Variants in RC3H2 observed in about 807,000 individuals in gnomAD.
RC3H2 encodes the protein roquin-2.
In RC3H2, 31 loss-of-function variants were observed where a neutral mutation model predicts 133.3. The observed-to-expected ratio is 0.23, with a 90% CI of 0.17 to 0.31. The LOEUF (loss-of-function observed/expected upper bound fraction) is 0.31, where lower values mean the gene tolerates loss of function less well. Ranked by LOEUF, RC3H2 falls within the 10% of genes least tolerant of loss-of-function variation. The pLI is 1.00. For missense variants in RC3H2, 1,175 were observed against 1,437.2 expected, an observed-to-expected ratio of 0.82 and a Z score of 2.95; for synonymous variants, 517 against 502.2, an observed-to-expected ratio of 1.03 and a Z score of -0.40.
chr9:122,860,250 T>C (rs1174213622), intron 10 of RC3H2, 119 bp from the exon 11 acceptor site: 4 of 712,248 alleles, frequency 5.6e-6, no homozygotes, highest in South Asian at 1.9e-5. Context: ...CTTCAGACAT[T>C]GCCACATTGA....
chr9:122,905,315 T>G lies in RC3H2; in HGVS notation c.-273A>C, dbSNP rs1293347801. 4.7e-6 allele frequency: 4 copies of G among 855,574 alleles called. No individual in the cohort carries two copies. Among genetic ancestry groups the G allele is most frequent in the Non-Finnish European group, 5.6e-6 (4 of 711,708 alleles). The allele number at this position is 855,574 out of a possible 1,614,324, so 53.0% of individuals were successfully genotyped here. The stretch of plus-strand genomic sequence containing the variant: ...TCCTCCTCCTCCCTCCACCTCCGCC[T>G]CCTCCTCCTCCTCCTCCTCACCACG... On this transcript the variant is annotated 5_prime_UTR_variant, in exon 1 of 21. Coordinates refer to ENST00000357244, the MANE Select transcript of RC3H2 (RefSeq NM_001100588.3).
rs568935122 is a variant in RC3H2 at position 122,889,732 on chromosome 9, T to C, written c.583+580A>G. Among the ~76,000 whole-genome samples the C allele has an allele frequency of 2.0e-5, 3 of 152,392 alleles. No individual in the cohort carries two copies. The South Asian group carries it at 6.2e-4, about 32-fold the overall frequency. On this transcript the variant is annotated intron_variant, in intron 4 of 20. Coordinates refer to ENST00000357244, the MANE Select transcript of RC3H2 (RefSeq NM_001100588.3). ...ATCTTAGGCCTCTAACTTGGTTTTC[T>C]AATTTGTAAAACTGTAGCTATATTG... is the stretch of plus-strand genomic sequence containing the variant.
At chr9:122,881,580 T>TAGAGAAGAATACAGGCC (rs1407636212) in intron 5 of RC3H2, among the ~76,000 whole-genome samples, 1 of 151,914 alleles carries the variant, frequency 6.6e-6, no homozygotes, top group East Asian at 1.9e-4. Flanking sequence ...TGATACAGGC[T>TAGAGAAGAATACAGGCC]AGAGAAGAAT....
At chr9:122,887,108 T>C (rs2131476978) in intron 4 of RC3H2, among the ~76,000 whole-genome samples, 1 of 152,336 alleles carries the variant, frequency 6.6e-6, no homozygotes, top group Middle Eastern at 3.4e-3. Context: ...ACCTCTCGTC[T>C]AATGGGTTTA....
intron 13 of RC3H2, among the ~76,000 whole-genome samples, 173 bp from the exon 14 acceptor site, chr9:122,856,051 G>A (rs1418278666): frequency 6.6e-6 from 1 of 151,946 alleles, no homozygotes; most frequent in Non-Finnish European, 1.5e-5. Context: ...TTTTACAATA[G>A]AAAATGGCAT....
rs548031031 is a variant in RC3H2 at position 122,857,958 on chromosome 9, G to T, written c.2419C>A (p.Pro807Thr). 6.2e-7 allele frequency: 1 copy of T among 1,614,146 alleles called. No homozygotes were observed. The highest frequency in any genetic ancestry group is 1.3e-5 in the African/African-American group (1 of 75,066). The change falls in exon 13 of 21, where the codon CCT becomes ACT. Residue 807 changes from proline to threonine, a missense_variant. Around this residue, in one of 8 missense-constraint regions of RC3H2, gnomAD observed 490 missense variants for 492.8 expected, o/e 0.99. Transcript: ENST00000357244. ...AAGTCTACACTGAACAGAGGAGAAG[G>T]TGGTGTTGGTGACTGTGTTGCCACA... ...LPVATQSPTP[P>T]SPLFSVDFRA...
chr9:122,874,817 G>C (rs1831262941), intron 9 of RC3H2: 1 of 176,702 alleles, frequency 5.7e-6, no homozygotes, highest in African/African-American at 2.4e-5. Flanking sequence ...ACTACACCTA[G>C]TTTGGCTATT....
Position 122,855,978 on chromosome 9 carries a change from T to C in RC3H2, c.2455-100A>G, listed in dbSNP as rs187785217. 4 of 855,178 alleles carry C rather than the reference T, an allele frequency of 4.7e-6. No individual in the cohort carries two copies. The South Asian group carries it at 8.2e-5, about 17-fold the overall frequency. 53.0% of individuals were successfully genotyped at this position (855,178 alleles called of 1,614,324 possible). The stretch of plus-strand genomic sequence containing the variant: ...CTATTATAGAATTCAGAGGACTTCA[T>C]AGCAAACAATTATACTTTTTCAATA... On this transcript the variant is annotated intron_variant, in intron 13 of 20. Transcript: ENST00000357244.
chr9:122,875,484 T>G, intron 9 of RC3H2: 1 of 1,366,274 alleles, frequency 7.3e-7, no homozygotes, highest in Non-Finnish European at 9.6e-7. Context: ...GTGGCTGTTT[T>G]TTTGCTACAG....
Position 122,850,190 on chromosome 9 carries a change from G to A in RC3H2, c.3381-368C>T, listed in dbSNP as rs541096245. On this transcript the variant is annotated intron_variant, in intron 20 of 20. Coordinates refer to ENST00000357244, the MANE Select transcript of RC3H2 (RefSeq NM_001100588.3). Reference sequence around the variant, plus strand: ...GGGTTTCACCATGTTGGCCAGGCTGGTCTAGAACTCCTGACCTCAAATGAT... The same window carrying A: ...GGGTTTCACCATGTTGGCCAGGCTGATCTAGAACTCCTGACCTCAAATGAT... Among the ~76,000 whole-genome samples, 281 of 151,994 alleles carry A rather than the reference G, an allele frequency of 1.8e-3. 1 individual carries two copies. The highest frequency in any genetic ancestry group is 6.6e-3 in the African/African-American group (275 of 41,426).
chr9:122,881,004 G>T (rs1217845694), intron 5 of RC3H2, among the ~76,000 whole-genome samples: 2 of 152,116 alleles, frequency 1.3e-5, no homozygotes, highest in Non-Finnish European at 2.9e-5. Context: ...TGCCTTCAAT[G>T]ATTTCAGCCA....
At chr9:122,889,198 T>C (rs1011389829) in intron 4 of RC3H2, among the ~76,000 whole-genome samples, 8 of 152,186 alleles carry the variant, frequency 5.3e-5, no homozygotes, top group African/African-American at 1.9e-4. Context: ...TTTTTTGTGA[T>C]GTAAATTAAA....
intron 9 of RC3H2, among the ~76,000 whole-genome samples, chr9:122,869,502 A>G (rs1277008283): frequency 1.3e-5 from 2 of 151,658 alleles, no homozygotes; most frequent in African/African-American, 4.9e-5. Context: ...CCTAGATTAG[A>G]CTGGCTAAAA....
intron 10 of RC3H2, among the ~76,000 whole-genome samples, chr9:122,863,163 C>G (rs573691723): frequency 6.6e-6 from 1 of 152,178 alleles, no homozygotes; most frequent in South Asian, 2.1e-4. Context: ...GGACATTTAA[C>G]ATAAATGTGA....
rs185241328 is a variant in RC3H2 at position 122,852,652 on chromosome 9, G to A, written c.3118-1216C>T. On this transcript the variant is annotated intron_variant, in intron 18 of 20. Coordinates refer to ENST00000357244, the MANE Select transcript of RC3H2 (RefSeq NM_001100588.3). Reference sequence around the variant, plus strand: ...AGGTGGAGGGGTCAGCTCCCAACCCGGCCAGCCGCCCTGTCCGGGAGGTGA... The same window carrying A: ...AGGTGGAGGGGTCAGCTCCCAACCCAGCCAGCCGCCCTGTCCGGGAGGTGA... 9.8e-3 allele frequency among the ~76,000 whole-genome samples: 1,462 copies of A among 149,170 alleles called. 5 individuals carry two copies. Among genetic ancestry groups the A allele is most frequent in the Non-Finnish European group, 0.015 (973 of 67,042 alleles).
At chr9:122,861,353 G>C (rs1185061231) in intron 10 of RC3H2, among the ~76,000 whole-genome samples, 1 of 151,948 alleles carries the variant, frequency 6.6e-6, no homozygotes, top group East Asian at 1.9e-4. Flanking sequence ...AGCCGGGTGT[G>C]GTGGTCCATG....
intron 11 of RC3H2, 100 bp downstream of exon 11, chr9:122,859,817 G>T (rs1485618775): frequency 9.9e-7 from 1 of 1,008,690 alleles, no homozygotes; most frequent in African/African-American, 1.6e-5. Flanking sequence ...ATAGTCAAAA[G>T]GATTAATTTT....
chr9:122,884,436 A>G (rs1034065402), intron 4 of RC3H2, among the ~76,000 whole-genome samples: 2 of 152,234 alleles, frequency 1.3e-5, no homozygotes, highest in African/African-American at 4.8e-5. Context: ...TTAAAAAATG[A>G]TATTAGCCTC....
intron 1 of RC3H2, among the ~76,000 whole-genome samples, chr9:122,898,575 C>A (rs1832520202): frequency 6.6e-6 from 1 of 151,912 alleles, no homozygotes; most frequent in African/African-American, 2.4e-5. Flanking sequence ...CATGGATAAA[C>A]CCTGTCTCTA....
Sources: allele counts gnomAD v4.1 joint callset (sites outside exome capture counted in the v4.1 genomes callset), GRCh38; gene constraint gnomAD v4.1.1; regional missense constraint gnomAD v4.1.1; transcripts MANE v1.5; gene names NCBI Gene and HGNC (gene_info 2026-07-23, HGNC 2026-07-21).